Variants in KCNG3 observed in about 807,000 individuals in gnomAD.
KCNG3 encodes the protein potassium voltage-gated channel modifier subfamily G member 3.
A neutral mutation model predicts 29.0 loss-of-function variants in KCNG3; 15 were observed. The ratio of observed to expected loss-of-function variants is 0.52; its 90% CI spans 0.35 to 0.80. The LOEUF (loss-of-function observed/expected upper bound fraction) is 0.80, where lower values mean the gene tolerates loss of function less well. Ranked by LOEUF, KCNG3 falls within the 30% of genes least tolerant of loss-of-function variation. The probability of loss-of-function intolerance (pLI) is 0.01; values close to 1 mark genes in which losing one functional copy is unlikely to be tolerated. For missense variants in KCNG3, 512 were observed against 605.7 expected (o/e 0.85, Z 1.62); for synonymous variants, 322 against 248.9 (o/e 1.29, Z -2.76).
chr2:42,406,392 T>C, the KCNG3 span, among the ~76,000 whole-genome samples: 11 of 151,534 alleles, frequency 7.3e-5, no homozygotes, highest in Admixed American at 6.6e-4. Flanking sequence ...GCTAATTTCG[T>C]ATTTTTAGTA....
At chr2:42,477,459 GCT>G (rs1673467564) in intron 1 of KCNG3, among the ~76,000 whole-genome samples, 1 of 110,796 alleles carries the variant, frequency 9.0e-6, no homozygotes, top group Non-Finnish European at 1.7e-5. Flanking sequence ...ACGGAGTCTT[GCT>G]CTGTCGCCCA....
chr2:42,410,342 AAGGG>A, the KCNG3 span, among the ~76,000 whole-genome samples: 1 of 152,226 alleles, frequency 6.6e-6, no homozygotes, highest in Non-Finnish European at 1.5e-5. Flanking sequence ...CTGCTTGATC[AAGGG>A]ATACACGCAT....
At chr2:42,409,497 A>AG in the KCNG3 span, among the ~76,000 whole-genome samples, 1 of 151,918 alleles carries the variant, frequency 6.6e-6, no homozygotes, top group South Asian at 2.1e-4. Context: ...TGAGCTCAGG[A>AG]GTTTGAGACC....
In KCNG3 at chr2:42,462,145, GTGT is replaced by G. The variant is rs372038441; in HGVS notation, c.666-17569_666-17567del. On this transcript the variant is annotated intron_variant, in intron 1 of 1. Coordinates refer to ENST00000306078, the MANE Select transcript of KCNG3 (RefSeq NM_133329.6). ...AACAGAAGTCCAATTTAGATTTTAAGTGTTGTCACCATGTGATTACAATCACAC... is the reference window on the plus strand; with the variant it reads ...AACAGAAGTCCAATTTAGATTTTAAGTGTCACCATGTGATTACAATCACAC... 6.4e-3 allele frequency among the ~76,000 whole-genome samples: 977 copies of G among 152,252 alleles called. 2 individuals carry two copies. The highest frequency in any genetic ancestry group is 0.017 in the Middle Eastern group (5 of 294).
rs181826906 is a variant in KCNG3, at chr2:42,443,328, G to C, written c.*606C>G. 2 of 152,718 alleles carry C rather than the reference G, an allele frequency of 1.3e-5. No homozygotes were observed. Among genetic ancestry groups the C allele is most frequent in the Admixed American group, 1.3e-4 (2 of 15,292 alleles). The allele number at this position is 152,718 out of a possible 1,614,324, so 9.5% of individuals were successfully genotyped here. On this transcript the variant is annotated 3_prime_UTR_variant, in exon 2 of 2. Transcript: ENST00000306078. ...AGCTTCCATGAAGCGGCACGATAAG[G>C]TGAATAATTGGCACAAAAATAAAGC...
chr2:42,479,260 A>G (rs926309144), intron 1 of KCNG3, among the ~76,000 whole-genome samples: 1 of 152,190 alleles, frequency 6.6e-6, no homozygotes, highest in African/African-American at 2.4e-5. Flanking sequence ...ACTTACTAGA[A>G]CCCAGAAGTA....
chr2:42,475,590 A>C (rs1318835947), intron 1 of KCNG3, among the ~76,000 whole-genome samples: 1 of 151,320 alleles, frequency 6.6e-6, no homozygotes, highest in Non-Finnish European at 1.5e-5. Context: ...TCAGCCTCCC[A>C]AAGTTCTGTG....
At chr2:42,426,873 C>A in the KCNG3 span, among the ~76,000 whole-genome samples, 1 of 152,186 alleles carries the variant, frequency 6.6e-6, no homozygotes, top group South Asian at 2.1e-4. Flanking sequence ...TTATCACACA[C>A]ATACATAGCA....
At chr2:42,396,999 C>A in the KCNG3 span, among the ~76,000 whole-genome samples, 1 of 152,108 alleles carries the variant, frequency 6.6e-6, no homozygotes, top group African/African-American at 2.4e-5. Context: ...TGGCTCACAC[C>A]TGTAATCCCA....
chr2:42,415,408 G>C, the KCNG3 span: 3 of 152,132 alleles, frequency 2.0e-5, no homozygotes, highest in Admixed American at 6.5e-5. Flanking sequence ...AATAAGGTCA[G>C]GCTAGGTTAT....
At chr2:42,464,344 G>C (rs1673090650) in intron 1 of KCNG3, among the ~76,000 whole-genome samples, 2 of 152,126 alleles carry the variant, frequency 1.3e-5, no homozygotes, top group Admixed American at 1.3e-4. Context: ...TCAGATTACA[G>C]ACCATGAGCC....
chr2:42,415,035 A>C, the KCNG3 span, among the ~76,000 whole-genome samples: 3 of 152,146 alleles, frequency 2.0e-5, no homozygotes, highest in Admixed American at 2.0e-4. Flanking sequence ...GGATTTGTAG[A>C]TTTTCCTTGA....
intron 1 of KCNG3, among the ~76,000 whole-genome samples, chr2:42,467,294 A>C (rs1421734983): frequency 2.0e-5 from 3 of 152,204 alleles, no homozygotes; most frequent in Non-Finnish European, 4.4e-5. Context: ...AAGTTCTATC[A>C]TATACCAAGC....
the KCNG3 span, among the ~76,000 whole-genome samples, chr2:42,415,961 G>A: frequency 2.6e-5 from 4 of 152,160 alleles, no homozygotes; most frequent in East Asian, 1.9e-4. Flanking sequence ...TTGGGAGGCC[G>A]ATGTGGGTGG....
rs367640841 is a variant in KCNG3, at chr2:42,493,087, C to G, written c.415G>C (p.Glu139Gln). The change falls in exon 1 of 2, where the codon GAG becomes CAG. Residue 139 changes from glutamate to glutamine, a missense_variant. By Grantham distance (29) the Glu-to-Gln change is conservative. Coordinates refer to ENST00000306078, the MANE Select transcript of KCNG3 (RefSeq NM_133329.6). ...GCCTCGGCCCCGCCGGGGCGCGCCT[C>G]GTCGCGGCCCAGCACGCCCGGCTCG... ...ADEPGVLGRD[E>Q]ARPGGAEAAP... 254 of 1,565,946 alleles carry G rather than the reference C, an allele frequency of 1.6e-4. No individual in the cohort carries two copies. The highest frequency in any genetic ancestry group is 5.2e-6 in the Non-Finnish European group (6 of 1,160,638).
At chr2:42,484,950 A>C (rs939232822) in intron 1 of KCNG3, among the ~76,000 whole-genome samples, 4 of 152,218 alleles carry the variant, frequency 2.6e-5, no homozygotes, top group African/African-American at 9.6e-5. Context: ...TATCCACCTT[A>C]TCTGCACAGT....
chr2:42,414,818 CT>C, the KCNG3 span, among the ~76,000 whole-genome samples: 2 of 152,182 alleles, frequency 1.3e-5, no homozygotes, highest in South Asian at 4.1e-4. Flanking sequence ...CAAATTCTCT[CT>C]TCAAATATGT....
intron 1 of KCNG3, among the ~76,000 whole-genome samples, chr2:42,457,665 AC>A (rs2103684017): frequency 2.7e-5 from 4 of 149,782 alleles, no homozygotes; most frequent in East Asian, 2.0e-4. Context: ...ACACACACAC[AC>A]ACAAGGCTGG....
chr2:42,489,244 A>T (rs1389801892), intron 1 of KCNG3, among the ~76,000 whole-genome samples: 1 of 151,928 alleles, frequency 6.6e-6, no homozygotes, highest in Non-Finnish European at 1.5e-5. Context: ...TTCTTAATTC[A>T]CTGGGCGTGG....
Sources: gnomAD v4.1 joint callset for allele counts (sites outside exome capture counted in the v4.1 genomes callset) on GRCh38, gnomAD v4.1.1 for gene constraint, MANE v1.5 for transcripts, NCBI Gene and HGNC (gene_info 2026-07-23, HGNC 2026-07-21) for gene names.